APP: variants seen among roughly 807,000 people sequenced by gnomAD.
APP encodes the protein amyloid beta precursor protein, also known as amyloid-beta precursor protein.
APP carries 31 observed loss-of-function variants against 101.4 expected under a neutral mutation model. That is an observed-to-expected ratio of 0.31 (90% CI 0.23 to 0.41). APP has a LOEUF of 0.41. Ranked by LOEUF, APP falls within the 10% of genes least tolerant of loss-of-function variation. The probability of loss-of-function intolerance (pLI) is 1.00; values close to 1 mark genes in which losing one functional copy is unlikely to be tolerated. For synonymous variants in APP, 366 were observed against 364.4 expected (o/e 1.00, Z -0.05); for missense variants, 839 against 1,003.7 (o/e 0.84, Z 2.22).
chr21:26,037,403 C>A (rs2045164786), intron 5 of APP, among the ~76,000 whole-genome samples: 1 of 152,068 alleles, frequency 6.6e-6, no homozygotes, highest in Non-Finnish European at 1.5e-5. Flanking sequence ...ATGATACATG[C>A]CTGAGATGAA....
chr21:26,157,878 G>C (rs1391966549), intron 1 of APP, among the ~76,000 whole-genome samples: 5 of 152,236 alleles, frequency 3.3e-5, no homozygotes, highest in South Asian at 2.1e-4. Flanking sequence ...ATGACAGACA[G>C]ATCTAGCTCA....
intron 8 of APP, among the ~76,000 whole-genome samples, chr21:25,986,527 C>G (rs1439566296): frequency 6.6e-6 from 1 of 151,958 alleles, no homozygotes; most frequent in East Asian, 1.9e-4. Flanking sequence ...CCCGTCTCTA[C>G]TAAAATAAAA....
chr21:25,997,490 C>G, intron 7 of APP, 74 bp from the exon 8 acceptor site: 1 of 1,362,350 alleles, frequency 7.3e-7, no homozygotes, highest in South Asian at 1.2e-5. Flanking sequence ...ATGCACGAGT[C>G]CACTGACAAA....
chr21:25,976,437 A>G (rs1038452034), intron 9 of APP, among the ~76,000 whole-genome samples: 2 of 152,222 alleles, frequency 1.3e-5, no homozygotes, highest in Admixed American at 6.5e-5. Context: ...TTTAAACTGT[A>G]TATTTTGACT....
chr21:25,983,148 T>TA (rs1234572605), intron 8 of APP, among the ~76,000 whole-genome samples: 1 of 152,250 alleles, frequency 6.6e-6, no homozygotes, highest in Non-Finnish European at 1.5e-5. Context: ...ATTCAACTAA[T>TA]ACTGCTAAGC....
At chr21:26,060,898 C>T (rs1257664206) in intron 3 of APP, among the ~76,000 whole-genome samples, 2 of 152,154 alleles carry the variant, frequency 1.3e-5, no homozygotes, top group African/African-American at 4.8e-5. Context: ...TGAGTGACAG[C>T]CAGGACAGGA....
chr21:25,984,731 G>A (rs2042574086), intron 8 of APP, among the ~76,000 whole-genome samples: 1 of 152,114 alleles, frequency 6.6e-6, no homozygotes, highest in Non-Finnish European at 1.5e-5. Flanking sequence ...CATCTTAACT[G>A]GTAGAGCTCA....
chr21:25,924,977 C>T (rs1334797414), intron 13 of APP, among the ~76,000 whole-genome samples: 2 of 152,168 alleles, frequency 1.3e-5, no homozygotes, highest in Non-Finnish European at 2.9e-5. Flanking sequence ...TCTTATCTAA[C>T]AGGAGATTCG....
chr21:25,882,496 T>C (rs1350428253), intron 17 of APP, among the ~76,000 whole-genome samples: 1 of 151,484 alleles, frequency 6.6e-6, no homozygotes, highest in African/African-American at 2.4e-5. Context: ...TGTTAATATG[T>C]TGCTTTACCT....
intron 6 of APP, 86 bp downstream of exon 6, chr21:26,021,754 G>C: frequency 9.8e-6 from 15 of 1,527,204 alleles, no homozygotes; most frequent in Admixed American, 1.9e-5. Context: ...GGGGAAGGCA[G>C]TGGTGCTAGG....
At chr21:26,120,758 A>C (rs915192230) in intron 1 of APP, among the ~76,000 whole-genome samples, 1 of 152,240 alleles carries the variant, frequency 6.6e-6, no homozygotes, top group African/African-American at 2.4e-5. Context: ...ATATTTCTAA[A>C]AGGAAATATT....
intron 1 of APP, among the ~76,000 whole-genome samples, chr21:26,113,483 G>C (rs913863109): frequency 6.6e-6 from 1 of 152,178 alleles, no homozygotes; most frequent in Non-Finnish European, 1.5e-5. Flanking sequence ...AAACAAAACA[G>C]GTCTTAGATT....
intron 3 of APP, among the ~76,000 whole-genome samples, chr21:26,065,946 T>C (rs1341486696): frequency 1.3e-5 from 2 of 152,168 alleles, no homozygotes; most frequent in Non-Finnish European, 1.5e-5. Flanking sequence ...CCTGGGATCC[T>C]GATCAGTCTG....
chr21:25,941,333 T>G (rs1052028286), intron 13 of APP: 1 of 152,174 alleles, frequency 6.6e-6, no homozygotes, highest in Non-Finnish European at 1.5e-5. Context: ...AAGTGAAACT[T>G]AGAAACAATA....
chr21:26,155,996 G>A (rs933049403), intron 1 of APP, among the ~76,000 whole-genome samples: 3 of 110,318 alleles, frequency 2.7e-5, no homozygotes, highest in Non-Finnish European at 5.1e-5. Context: ...GCGAGACTTC[G>A]TCTCAAAAAA....
chr21:25,993,047 C>A (rs1376186280), intron 8 of APP, among the ~76,000 whole-genome samples: 2 of 152,004 alleles, frequency 1.3e-5, no homozygotes, highest in African/African-American at 4.8e-5. Context: ...GTGGCATATT[C>A]CATTGAAAGG....
At chr21:26,110,182 C>T (rs1352735581) in intron 2 of APP, among the ~76,000 whole-genome samples, 2 of 152,204 alleles carry the variant, frequency 1.3e-5, no homozygotes, top group African/African-American at 2.4e-5. Flanking sequence ...TGGTAGCTCA[C>T]GGCTATAATC....
intron 3 of APP, among the ~76,000 whole-genome samples, chr21:26,063,368 G>A (rs2046344970): frequency 6.6e-6 from 1 of 152,116 alleles, no homozygotes; most frequent in Non-Finnish European, 1.5e-5. Context: ...TAAAAGCAAA[G>A]AAACTCCAGT....
At chr21:25,964,993 T>C (rs1246245426) in intron 11 of APP, among the ~76,000 whole-genome samples, 1 of 152,170 alleles carries the variant, frequency 6.6e-6, no homozygotes, top group East Asian at 1.9e-4. Context: ...CAGACCACAG[T>C]CATAAATTAG....
Sources: allele counts gnomAD v4.1 joint callset (sites outside exome capture counted in the v4.1 genomes callset), GRCh38; gene constraint gnomAD v4.1.1; transcripts MANE v1.5; gene names NCBI Gene and HGNC (gene_info 2026-07-23, HGNC 2026-07-21).